The following SNX29 variants were observed in gnomAD, a reference collection of about 807,000 sequenced individuals.
SNX29 encodes sorting nexin-29.
SNX29 carries 78 observed loss-of-function variants against 102.1 expected under a neutral mutation model. The ratio of observed to expected loss-of-function variants is 0.76; its 90% CI spans 0.64 to 0.92. The LOEUF is 0.92. SNX29 is among the 40% of genes least tolerant of loss of function. SNX29 has a pLI of 0.00. For missense variants in SNX29, 1,280 were observed against 1,061.7 expected (o/e 1.21, Z -2.86); for synonymous variants, 580 against 414.5 (o/e 1.40, Z -4.85).
At chr16:12,274,192 G>A (rs935557067) in intron 14 of SNX29, among the ~76,000 whole-genome samples, 1 of 152,122 alleles carries the variant, frequency 6.6e-6, no homozygotes, top group Non-Finnish European at 1.5e-5. Flanking sequence ...GGTGTATAAG[G>A]CTCAAAATAA....
chr16:12,398,995 T>C (rs1254434492), intron 17 of SNX29, among the ~76,000 whole-genome samples: 1 of 152,200 alleles, frequency 6.6e-6, no homozygotes, highest in Non-Finnish European at 1.5e-5. Context: ...GATTTTTGAT[T>C]GGGTTCAATT....
At chr16:12,558,653 C>T (rs887227365) in intron 20 of SNX29, among the ~76,000 whole-genome samples, 2 of 152,222 alleles carry the variant, frequency 1.3e-5, no homozygotes, top group East Asian at 1.9e-4. Flanking sequence ...ATTCTCCATC[C>T]CACCCAATCC....
chr16:12,095,468 T>C (rs2052728185), intron 11 of SNX29, among the ~76,000 whole-genome samples: 1 of 152,014 alleles, frequency 6.6e-6, no homozygotes, highest in Non-Finnish European at 1.5e-5. Flanking sequence ...AGTGGTGAGG[T>C]CGCGAGTGGT....
intron 18 of SNX29, among the ~76,000 whole-genome samples, chr16:12,466,857 A>T (rs2087076662): frequency 6.6e-6 from 1 of 152,044 alleles, no homozygotes; most frequent in Admixed American, 6.6e-5. Context: ...TAAAGTGGAG[A>T]CTGTTCCATG....
chr16:12,537,809 G>A (rs780858852), intron 20 of SNX29, among the ~76,000 whole-genome samples: 1 of 152,030 alleles, frequency 6.6e-6, no homozygotes, highest in Non-Finnish European at 1.5e-5. Flanking sequence ...TATCAGAGAG[G>A]TGTGTCCACA....
At chr16:12,306,220 T>C (rs543545356) in intron 15 of SNX29, among the ~76,000 whole-genome samples, 142 of 152,332 alleles carry the variant, frequency 9.3e-4, no homozygotes, top group Non-Finnish European at 1.6e-3. Context: ...GGCTTTGATA[T>C]AGAAAGAGTT....
At chr16:12,076,369 T>C (rs1324044317) in intron 10 of SNX29, among the ~76,000 whole-genome samples, 1 of 151,762 alleles carries the variant, frequency 6.6e-6, no homozygotes, top group Non-Finnish European at 1.5e-5. Flanking sequence ...GGCACCATCT[T>C]GGCTCACTGC....
chr16:12,505,270 G>C (rs931557807), intron 19 of SNX29, among the ~76,000 whole-genome samples: 1 of 152,116 alleles, frequency 6.6e-6, no homozygotes, highest in South Asian at 2.1e-4. Context: ...AAACTGGGTG[G>C]TTTACAAATA....
intron 11 of SNX29, among the ~76,000 whole-genome samples, chr16:12,111,745 G>A (rs2053510288): frequency 6.6e-6 from 1 of 152,164 alleles, no homozygotes; most frequent in Non-Finnish European, 1.5e-5. Flanking sequence ...CATTTCAGAT[G>A]GTTTAGGAAA....
At chr16:12,139,979 T>TGAAAAAAAAAAAAAAAAA in intron 13 of SNX29, among the ~76,000 whole-genome samples, 1 of 63,070 alleles carries the variant, frequency 1.6e-5, no homozygotes, top group Non-Finnish European at 3.0e-5. Flanking sequence ...ATACCCTGTC[T>TGAAAAAAAAAAAAAAAAA]CAAAAAAAAA....
At chr16:12,491,007 G>T (rs918175196) in intron 19 of SNX29, among the ~76,000 whole-genome samples, 2 of 152,184 alleles carry the variant, frequency 1.3e-5, no homozygotes, top group Admixed American at 6.5e-5. Flanking sequence ...TCACATCAAT[G>T]ATACTTATTC....
chr16:12,060,677 C>A, intron 8 of SNX29: 1 of 427,162 alleles, frequency 2.3e-6, no homozygotes, highest in South Asian at 1.7e-5. Context: ...AGATGTAATG[C>A]AGATACTGGG....
chr16:12,041,194 T>A (rs1178047685), intron 4 of SNX29, among the ~76,000 whole-genome samples: 3 of 151,044 alleles, frequency 2.0e-5, no homozygotes, highest in African/African-American at 7.3e-5. Context: ...TCATTGCACC[T>A]TCTGCCTACC....
At chr16:12,390,877 C>CT (rs758250251) in intron 16 of SNX29, among the ~76,000 whole-genome samples, 1 of 143,314 alleles carries the variant, frequency 7.0e-6, no homozygotes, top group Non-Finnish European at 1.5e-5. Flanking sequence ...CTTGTTCAGT[C>CT]TTTAAAAAAA....
intron 20 of SNX29, among the ~76,000 whole-genome samples, chr16:12,562,209 T>G (rs1447242951): frequency 6.6e-6 from 1 of 152,174 alleles, no homozygotes; most frequent in Non-Finnish European, 1.5e-5. Context: ...GAGTGAACCC[T>G]GCTGGAGGTG....
intron 1 of SNX29, among the ~76,000 whole-genome samples, chr16:11,979,206 T>C (rs868007538): frequency 8.2e-6 from 1 of 122,362 alleles, no homozygotes; most frequent in Middle Eastern, 6.7e-3. Context: ...ACCCAGGAGG[T>C]GGACATTGCA....
At chr16:12,396,933 G>T (rs1387059272) in intron 16 of SNX29, among the ~76,000 whole-genome samples, 1 of 152,130 alleles carries the variant, frequency 6.6e-6, no homozygotes, top group African/African-American at 2.4e-5. Context: ...TTGAAACAGG[G>T]TCATGCTCTG....
At chr16:12,317,082 G>A (rs973692237) in intron 15 of SNX29, among the ~76,000 whole-genome samples, 10 of 152,202 alleles carry the variant, frequency 6.6e-5, no homozygotes, top group African/African-American at 1.9e-4. Context: ...GAGGAAATTC[G>A]GTTACAGTGT....
At chr16:12,116,633 C>T (rs542262969) in intron 11 of SNX29, among the ~76,000 whole-genome samples, 1 of 152,202 alleles carries the variant, frequency 6.6e-6, no homozygotes, top group Non-Finnish European at 1.5e-5. Flanking sequence ...AGGATCACGC[C>T]ACCATACTCC....
Sources: gnomAD v4.1 joint callset for allele counts (sites outside exome capture counted in the v4.1 genomes callset) on GRCh38, gnomAD v4.1.1 for gene constraint, MANE v1.5 for transcripts, NCBI Gene and HGNC (gene_info 2026-07-23, HGNC 2026-07-21) for gene names.